Variants in KANSL1L observed in about 807,000 individuals in gnomAD.
The protein encoded by KANSL1L is KAT8 regulatory NSL complex subunit 1 like, also known as KAT8 regulatory NSL complex subunit 1-like protein.
Under a neutral mutation model 108.6 loss-of-function variants are expected in KANSL1L, and 25 were observed. The ratio of observed to expected loss-of-function variants is 0.23; its 90% CI spans 0.17 to 0.32. KANSL1L has a LOEUF of 0.32. Ranked by LOEUF, KANSL1L falls within the 10% of genes least tolerant of loss-of-function variation. KANSL1L has a pLI of 1.00. For synonymous variants in KANSL1L, 405 were observed against 395.1 expected, an observed-to-expected ratio of 1.03 and a Z score of -0.30; for missense variants, 1,137 against 1,125.7, an observed-to-expected ratio of 1.01 and a Z score of -0.14.
At chr2:210,126,286 T>C (rs1005763123) in intron 3 of KANSL1L, among the ~76,000 whole-genome samples, 1 of 152,126 alleles carries the variant, frequency 6.6e-6, no homozygotes, top group African/African-American at 2.4e-5. Context: ...TTGTATAAAC[T>C]ACAAAACATT....
At chr2:210,061,228 A>G (rs2094416520) in intron 6 of KANSL1L, among the ~76,000 whole-genome samples, 1 of 152,222 alleles carries the variant, frequency 6.6e-6, no homozygotes, top group South Asian at 2.1e-4. Context: ...TATATAAACA[A>G]TTTGTATGTC....
chr2:210,081,092 G>GT (rs2094586142), intron 5 of KANSL1L, among the ~76,000 whole-genome samples: 2 of 151,968 alleles, frequency 1.3e-5, no homozygotes, highest in Admixed American at 1.3e-4. Flanking sequence ...GGGCAACAGG[G>GT]TAAGACTGTG....
intron 2 of KANSL1L, among the ~76,000 whole-genome samples, chr2:210,133,425 C>A (rs532943790): frequency 3.9e-5 from 6 of 152,154 alleles, no homozygotes; most frequent in African/African-American, 1.4e-4. Flanking sequence ...TTGTATCCCC[C>A]AATTATTCCA....
intron 7 of KANSL1L, chr2:210,043,409 A>T (rs1320576966): frequency 1.9e-5 from 3 of 160,660 alleles, no homozygotes; most frequent in African/African-American, 4.8e-5. Context: ...AAAACAAAAC[A>T]AAACACTTTA....
At chr2:210,056,736 C>A (rs187342389) in intron 6 of KANSL1L, among the ~76,000 whole-genome samples, 1 of 152,140 alleles carries the variant, frequency 6.6e-6, no homozygotes, top group Non-Finnish European at 1.5e-5. Flanking sequence ...CTGCTTTAGC[C>A]TCCCAAAGAT....
chr2:210,051,186 C>T lies in KANSL1L; in HGVS notation c.1756-7082G>A, dbSNP rs189971823. ...TTGTTTATACTTGAGCTAGTTCCCACATACTTTATAACTGTTAAGTCAGTA... is the reference window on the plus strand; with the variant it reads ...TTGTTTATACTTGAGCTAGTTCCCATATACTTTATAACTGTTAAGTCAGTA... On this transcript the variant is annotated intron_variant, in intron 6 of 14. Transcript: ENST00000281772. Among the ~76,000 whole-genome samples the T allele has an allele frequency of 5.9e-5, 9 of 152,308 alleles. No homozygotes were observed. In the East Asian group the frequency reaches 7.7e-4, roughly 13 times the overall value.
chr2:210,033,338 TTG>T (rs2094048362), intron 8 of KANSL1L, among the ~76,000 whole-genome samples: 1 of 152,120 alleles, frequency 6.6e-6, no homozygotes, highest in African/African-American at 2.4e-5. Flanking sequence ...GTAACTAGAA[TTG>T]TGAGAGGTGG....
intron 1 of KANSL1L, among the ~76,000 whole-genome samples, chr2:210,163,792 C>G (rs918225515): frequency 2.0e-5 from 3 of 152,074 alleles, no homozygotes; most frequent in African/African-American, 7.2e-5. Context: ...TACTTCATCA[C>G]ATATTTTCCC....
intron 2 of KANSL1L, among the ~76,000 whole-genome samples, chr2:210,132,401 T>G (rs1442515522): frequency 6.6e-6 from 1 of 152,136 alleles, no homozygotes; most frequent in East Asian, 1.9e-4. Flanking sequence ...GACCACCACA[T>G]GCTGACCATA....
chr2:210,052,524 C>G (rs754526478), intron 6 of KANSL1L, among the ~76,000 whole-genome samples: 1 of 152,028 alleles, frequency 6.6e-6, no homozygotes, highest in Non-Finnish European at 1.5e-5. Flanking sequence ...TGGTTTGTTC[C>G]CTCCTCACTT....
intron 10 of KANSL1L, chr2:210,029,249 A>T (rs971234127): frequency 3.4e-6 from 1 of 292,202 alleles, no homozygotes; most frequent in African/African-American, 2.2e-5. Flanking sequence ...TTAAATGCAA[A>T]ACTCTTTATC....
rs1238897277 is a variant in KANSL1L at position 210,171,213 on chromosome 2, G to T, written c.-94C>A. On this transcript the variant is annotated 5_prime_UTR_variant, in exon 1 of 15. Coordinates refer to ENST00000281772, the MANE Select transcript of KANSL1L (RefSeq NM_152519.4). The stretch of plus-strand genomic sequence containing the variant: ...CGGTCCGGCCGTGGTGGGGGCTGCT[G>T]AGGTGATCTCTAGCTGCCCGCCCGC... 1 of 157,390 alleles carries T rather than the reference G, an allele frequency of 6.4e-6. No individual in the cohort carries two copies. Among genetic ancestry groups the T allele is most frequent in the Non-Finnish European group, 1.4e-5 (1 of 71,626 alleles). 9.7% of individuals were successfully genotyped at this position (157,390 alleles called of 1,614,324 possible).
At chr2:210,026,910 A>G (rs530301831) in intron 12 of KANSL1L, among the ~76,000 whole-genome samples, 7 of 152,216 alleles carry the variant, frequency 4.6e-5, no homozygotes, top group African/African-American at 1.7e-4. Context: ...AGCTGGGACT[A>G]CAGGTGCCCA....
At chr2:210,135,394 A>G (rs1030891979) in intron 2 of KANSL1L, among the ~76,000 whole-genome samples, 2 of 152,162 alleles carry the variant, frequency 1.3e-5, no homozygotes, top group African/African-American at 4.8e-5. Context: ...CCATCCTCCT[A>G]TACTTTTTGG....
intron 8 of KANSL1L, among the ~76,000 whole-genome samples, chr2:210,036,813 G>C (rs1310486816): frequency 6.6e-6 from 1 of 152,124 alleles, no homozygotes; most frequent in Non-Finnish European, 1.5e-5. Flanking sequence ...CTGAGGTGCA[G>C]TGGTGTAACT....
rs544451040 is a variant in KANSL1L, at chr2:210,161,133, T to C, written c.-29-6522A>G. ...CCTCCCAAGTAGCTGGGATTACAGG[T>C]ACCCGCCATCATGCCCGGCTAATTT... On this transcript the variant is annotated intron_variant, in intron 1 of 14. Coordinates refer to ENST00000281772, the MANE Select transcript of KANSL1L (RefSeq NM_152519.4). Among the ~76,000 whole-genome samples the C allele has an allele frequency of 4.3e-4, 66 of 151,870 alleles. 1 individual carries two copies. The highest frequency in any genetic ancestry group is 1.6e-3 in the African/African-American group (65 of 41,422).
At chr2:210,072,462 C>T (rs2094514570) in intron 6 of KANSL1L, among the ~76,000 whole-genome samples, 1 of 152,178 alleles carries the variant, frequency 6.6e-6, no homozygotes, top group Admixed American at 6.5e-5. Flanking sequence ...AGACAGCAGT[C>T]CCCAACTTTT....
chr2:210,097,748 A>G (rs949453726), intron 5 of KANSL1L: 1 of 155,392 alleles, frequency 6.4e-6, no homozygotes, highest in East Asian at 1.9e-4. Context: ...ATGCACTGCA[A>G]CGACAGCATG....
At position 210,022,953 on chromosome 2, in the gene KANSL1L, C is replaced by G; in HGVS notation, c.2960G>C (p.Arg987Thr). The G allele has an allele frequency of 6.2e-7, 1 of 1,604,686 alleles. No individual in the cohort carries two copies. Among genetic ancestry groups the G allele is most frequent in the Non-Finnish European group, 8.5e-7 (1 of 1,171,676 alleles). ...GTTTTCTTAACCTGTTCCCTGTCACCTATTTTTTTTAACATTAGTAAGTCC... is the reference window on the plus strand; with the variant it reads ...GTTTTCTTAACCTGTTCCCTGTCACGTATTTTTTTTAACATTAGTAAGTCC... ...GLGLTNVKKN[R>T] Residue 987 changes from arginine (R) to threonine (T), a missense_variant, in exon 15 of 15, where the codon AGG (arginine) becomes ACG (threonine). Arg to Thr is a moderately conservative substitution (Grantham distance 71). This residue lies in a region of KANSL1L where 575 missense variants were observed against 567.1 expected (regional missense o/e 1.01). Coordinates refer to ENST00000281772, the MANE Select transcript of KANSL1L (RefSeq NM_152519.4).
Sources: gnomAD v4.1 joint callset for allele counts (sites outside exome capture counted in the v4.1 genomes callset) on GRCh38, gnomAD v4.1.1 for gene constraint, gnomAD v4.1.1 regional missense constraint, MANE v1.5 for transcripts, NCBI Gene and HGNC (gene_info 2026-07-23, HGNC 2026-07-21) for gene names.